Variants in PRKAG2 observed in about 807,000 individuals in gnomAD.
PRKAG2 encodes the protein 5'-AMP-activated protein kinase subunit gamma-2.
PRKAG2 carries 26 observed loss-of-function variants against 69.6 expected under a neutral mutation model. That is an observed-to-expected ratio of 0.37 (90% CI 0.27 to 0.52). The LOEUF (loss-of-function observed/expected upper bound fraction) is 0.52. Ranked by LOEUF, PRKAG2 falls within the 20% of genes least tolerant of loss-of-function variation. The probability of loss-of-function intolerance (pLI) is 0.90; values close to 1 mark genes in which losing one functional copy is unlikely to be tolerated. For synonymous variants in PRKAG2, 293 were observed against 285.0 expected, an observed-to-expected ratio of 1.03 and a Z score of -0.28; for missense variants, 557 against 740.0, an observed-to-expected ratio of 0.75 and a Z score of 2.87.
intron 3 of PRKAG2, among the ~76,000 whole-genome samples, chr7:151,717,624 C>T (rs1563511410): frequency 3.3e-5 from 5 of 152,172 alleles, no homozygotes; most frequent in South Asian, 2.1e-4. Flanking sequence ...GACTGGCTCC[C>T]GTGTGGCCCT....
At position 151,876,745 on chromosome 7, in the gene PRKAG2, A is replaced by C. The variant is rs2080414963; in HGVS notation, c.-125T>G. ...TACACCCTGAAGCCACCTCGTGGGG[A>C]CTTCCGCGGAGAGGGAGGGTGAGCA... On this transcript the variant is annotated 5_prime_UTR_variant, in exon 1 of 16. Transcript: ENST00000287878. 1.1e-6 allele frequency: 1 copy of C among 925,180 alleles called. No homozygotes were observed. The highest frequency in any genetic ancestry group is 1.4e-5 in the South Asian group (1 of 72,522). The allele number at this position is 925,180 out of a possible 1,614,324, so 57.3% of individuals were successfully genotyped here.
rs753934012 is a variant in PRKAG2, at chr7:151,558,253, C to T, written c.1679-1021G>A. 80 of 985,272 alleles carry T rather than the reference C, an allele frequency of 8.1e-5. 1 individual carries two copies. The highest frequency in any genetic ancestry group is 7.7e-5 in the Non-Finnish European group (64 of 829,928). The allele number at this position is 985,272 out of a possible 1,614,324, so 61.0% of individuals were successfully genotyped here. The stretch of plus-strand genomic sequence containing the variant: ...CCTCTGGGGAACGGTGGCCATTGCC[C>T]GATGAAAAGAATCACCACTAGTACC... On this transcript the variant is annotated intron_variant, in intron 15 of 15. Transcript: ENST00000287878.
intron 1 of PRKAG2, among the ~76,000 whole-genome samples, chr7:151,861,527 C>CAAAAAAAAAAAAAAAAAAAAAAAAA (rs1563762540): frequency 1.7e-5 from 1 of 60,396 alleles, no homozygotes; most frequent in Non-Finnish European, 3.3e-5. Flanking sequence ...GACTCTGTCT[C>CAAAAAAAAAAAAAAAAAAAAAAAAA]CAAAAAAAAA....
intron 3 of PRKAG2, among the ~76,000 whole-genome samples, chr7:151,724,918 C>T (rs987348296): frequency 1.3e-5 from 2 of 152,108 alleles, no homozygotes; most frequent in Non-Finnish European, 2.9e-5. Flanking sequence ...CTGCTCAGTG[C>T]GTCCCAGCTC....
At chr7:151,608,541 T>C (rs999249701) in intron 5 of PRKAG2, among the ~76,000 whole-genome samples, 1 of 152,138 alleles carries the variant, frequency 6.6e-6, no homozygotes, top group African/African-American at 2.4e-5. Context: ...GGAAGGTTCA[T>C]TGTAGATATC....
chr7:151,751,724 T>C (rs2074708062), intron 3 of PRKAG2, among the ~76,000 whole-genome samples: 1 of 151,738 alleles, frequency 6.6e-6, no homozygotes, highest in African/African-American at 2.4e-5. Flanking sequence ...AGGGTCTCGC[T>C]ACGGTCTTGA....
chr7:151,704,583 C>T (rs1429693931), intron 3 of PRKAG2, among the ~76,000 whole-genome samples: 1 of 152,174 alleles, frequency 6.6e-6, no homozygotes. Flanking sequence ...GCTGTATGAA[C>T]ATTCTATACA....
chr7:151,619,984 G>C (rs2151268340), intron 5 of PRKAG2, among the ~76,000 whole-genome samples: 1 of 152,266 alleles, frequency 6.6e-6, no homozygotes, highest in East Asian at 1.9e-4. Flanking sequence ...TCGCGCCACT[G>C]TACTCTAGCC....
At chr7:151,818,562 TGG>T (rs2078699597) in intron 1 of PRKAG2, among the ~76,000 whole-genome samples, 1 of 152,218 alleles carries the variant, frequency 6.6e-6, no homozygotes, top group East Asian at 1.9e-4. Context: ...AAAGGGCTGA[TGG>T]CAACTGCCCT....
intron 3 of PRKAG2, among the ~76,000 whole-genome samples, chr7:151,761,070 G>A (rs2075386000): frequency 6.6e-6 from 1 of 152,236 alleles, no homozygotes; most frequent in Non-Finnish European, 1.5e-5. Context: ...ATCACTGTTA[G>A]GAGAAATCTG....
At chr7:151,588,820 A>G (rs1221181698) in intron 6 of PRKAG2, among the ~76,000 whole-genome samples, 1 of 152,172 alleles carries the variant, frequency 6.6e-6, no homozygotes, top group Non-Finnish European at 1.5e-5. Context: ...TCCTTTATAA[A>G]TTACCCAGTC....
rs139779729 is a variant in PRKAG2 at position 151,605,558 on chromosome 7, G to A, written c.755-10104C>T. On this transcript the variant is annotated intron_variant, in intron 5 of 15. Transcript: ENST00000287878. ...TTGAGACTATCCTGGGCAACATGGCGAAACCCCGTCTCTACTAAAAATACA... is the reference window on the plus strand; with the variant it reads ...TTGAGACTATCCTGGGCAACATGGCAAAACCCCGTCTCTACTAAAAATACA... Among the ~76,000 whole-genome samples the A allele has an allele frequency of 6.4e-3, 957 of 150,546 alleles. 38 individuals carry two copies. The South Asian group carries it at 0.092, about 15-fold the overall frequency.
intron 3 of PRKAG2, among the ~76,000 whole-genome samples, chr7:151,711,019 G>GTTAGAGTACTAAGAGTGCTAGGC (rs1232600116): frequency 6.6e-6 from 1 of 152,096 alleles, no homozygotes; most frequent in Non-Finnish European, 1.5e-5. Flanking sequence ...ACATGCTAGG[G>GTTAGAGTACTAAGAGTGCTAGGC]TTAGAGTACT....
intron 1 of PRKAG2, among the ~76,000 whole-genome samples, chr7:151,800,079 C>T (rs554593303): frequency 2.2e-4 from 33 of 151,142 alleles, no homozygotes; most frequent in Non-Finnish European, 3.1e-4. Flanking sequence ...CCTCACGGGC[C>T]GGGTGCGGTG....
chr7:151,746,019 A>G (rs979617800), intron 3 of PRKAG2, among the ~76,000 whole-genome samples: 47 of 152,346 alleles, frequency 3.1e-4, no homozygotes, highest in East Asian at 3.9e-4. Flanking sequence ...GCTTCTGAAA[A>G]CCAGATTCTG....
rs905965219 is a variant in PRKAG2 at position 151,870,197 on chromosome 7, G to A, written c.114+6310C>T. Among the ~76,000 whole-genome samples, 55 of 143,952 alleles carry A rather than the reference G, an allele frequency of 3.8e-4. 2 individuals carry two copies. The highest frequency in any genetic ancestry group is 9.6e-4 in the African/African-American group (38 of 39,418). The allele number at this position is 143,952 out of a possible 152,430, so 94.4% of individuals were successfully genotyped here. On this transcript the variant is annotated intron_variant, in intron 1 of 15. Transcript: ENST00000287878. ...GGCAGGCAGGCAGGCAGGCAGGCAGGCAGACAGAGGAATAACTCATGGGGG... is the reference window on the plus strand; with the variant it reads ...GGCAGGCAGGCAGGCAGGCAGGCAGACAGACAGAGGAATAACTCATGGGGG...
chr7:151,836,046 C>T lies in PRKAG2; in HGVS notation c.114+40461G>A, dbSNP rs371282782. Among the ~76,000 whole-genome samples, 4 of 152,182 alleles carry T rather than the reference C, an allele frequency of 2.6e-5. No homozygotes were observed. Among genetic ancestry groups the T allele is most frequent in the Non-Finnish European group, 5.9e-5 (4 of 68,034 alleles). ...GCAGGACCCAGGACCCAGTGCACAT[C>T]CTGAGTCTAACTCACCCCGACATTT... On this transcript the variant is annotated intron_variant, in intron 1 of 15. Coordinates refer to ENST00000287878, the MANE Select transcript of PRKAG2 (RefSeq NM_016203.4). This position sits in a 1 kb window ranked among gnomAD's most constrained non-coding sequence, Gnocchi z 4.1.
chr7:151,631,643 A>G (rs1408292835), intron 5 of PRKAG2: 1 of 455,926 alleles, frequency 2.2e-6, no homozygotes. Context: ...CCTACCGGTC[A>G]TATCTTCACA....
chr7:151,873,793 C>T (rs1563771961), intron 1 of PRKAG2, among the ~76,000 whole-genome samples: 1 of 152,194 alleles, frequency 6.6e-6, no homozygotes, highest in African/African-American at 2.4e-5. Flanking sequence ...GATTTTGTCT[C>T]ACACTATCGC....
Sources: gnomAD v4.1 joint callset for allele counts (sites outside exome capture counted in the v4.1 genomes callset) on GRCh38, gnomAD v4.1.1 for gene constraint, Gnocchi (gnomAD v3.1) non-coding constraint, MANE v1.5 for transcripts, NCBI Gene and HGNC (gene_info 2026-07-23, HGNC 2026-07-21) for gene names.